The following ATP6V0B variants were observed in gnomAD, a reference collection of about 807,000 sequenced individuals.
The protein encoded by ATP6V0B is V-type proton ATPase 21 kDa proteolipid subunit c''.
A neutral mutation model predicts 26.2 loss-of-function variants in ATP6V0B; 4 were observed. The ratio of observed to expected loss-of-function variants is 0.15; its 90% CI spans 0.08 to 0.35. The LOEUF (loss-of-function observed/expected upper bound fraction) is 0.35, where lower values mean the gene tolerates loss of function less well. ATP6V0B is among the 10% of genes least tolerant of loss of function. The pLI is 1.00. For synonymous variants in ATP6V0B, 110 were observed against 105.8 expected, an observed-to-expected ratio of 1.04 and a Z score of -0.24; for missense variants, 175 against 272.5, an observed-to-expected ratio of 0.64 and a Z score of 2.52.
rs2085518375 is a variant in ATP6V0B, at chr1:43,976,233, G to A, written c.200+60G>A. ...CTGAGTCATGGCAGGTGGTGTCACT[G>A]GGGTCTTAGGCATGCTGAGGGCAGT... On this transcript the variant is annotated intron_variant, in intron 3 of 7. Transcript: ENST00000472174. This position sits in a 1 kb window ranked among gnomAD's most constrained non-coding sequence, Gnocchi z 4.6. 4 of 1,609,328 alleles carry A rather than the reference G, an allele frequency of 2.5e-6. No individual in the cohort carries two copies. The highest frequency in any genetic ancestry group is 3.4e-6 in the Non-Finnish European group (4 of 1,175,844).
In ATP6V0B at chr1:43,975,067, CG is replaced by C. The variant is rs1421779490; in HGVS notation, c.31del (p.Val11SerfsTer31). 1 of 1,399,738 alleles carries C rather than the reference CG, an allele frequency of 7.1e-7. No homozygotes were observed. Among genetic ancestry groups the C allele is most frequent in the Non-Finnish European group, 9.2e-7 (1 of 1,081,412 alleles). 86.7% of individuals were successfully genotyped at this position (1,399,738 alleles called of 1,614,324 possible). The part of the protein sequence containing the change: MTGLALLYS[G>X]VFVAFWACAL... Reference sequence around the variant, plus strand: ...TGACGGGGCTAGCACTGCTCTACTCCGGGGTCTTCGTGGCCTTCTGGGCCTG... The same window carrying C: ...TGACGGGGCTAGCACTGCTCTACTCCGGGTCTTCGTGGCCTTCTGGGCCTG... On this transcript the variant is annotated frameshift_variant, in exon 1 of 8. Coordinates refer to ENST00000472174, the MANE Select transcript of ATP6V0B (RefSeq NM_004047.5). LOFTEE classifies it high-confidence loss of function.
At position 43,976,192 on chromosome 1, in the gene ATP6V0B, G is replaced by A. The variant is rs1207008472; in HGVS notation, c.200+19G>A. ...CAGCCTGGTGAGTATTGGGGTGGTGGGACTGGGGGCAGGGGCTGAGTCATG... is the reference window on the plus strand; with the variant it reads ...CAGCCTGGTGAGTATTGGGGTGGTGAGACTGGGGGCAGGGGCTGAGTCATG... On this transcript the variant is annotated intron_variant, in intron 3 of 7. Transcript: ENST00000472174. The surrounding 1 kb of genome is among the most constrained non-coding windows in gnomAD (Gnocchi z 4.6). The A allele has an allele frequency of 4.3e-6, 7 of 1,612,340 alleles. No individual in the cohort carries two copies. Among genetic ancestry groups the A allele is most frequent in the African/African-American group, 2.7e-5 (2 of 74,832 alleles).
At chr1:43,977,477 C>T (rs970507511) in intron 7 of ATP6V0B, 86 of 1,430,992 alleles carry the variant, frequency 6.0e-5, no homozygotes, top group Admixed American at 1.2e-4. Flanking sequence ...AGTCCTCCCT[C>T]TTTCTGTTCT....
chr1:43,975,747 A>G (rs751660404), intron 1 of ATP6V0B, 53 bp from the exon 2 acceptor site: 1 of 1,583,540 alleles, frequency 6.3e-7, no homozygotes, highest in South Asian at 1.1e-5. Context: ...AGGTTGAAGA[A>G]CTTCTCTCTA....
rs1193008572 is a variant in ATP6V0B, at chr1:43,977,223, A to T, written c.591+7A>T. 1 of 1,614,186 alleles carries T rather than the reference A, an allele frequency of 6.2e-7. No homozygotes were observed. The highest frequency in any genetic ancestry group is 8.5e-7 in the Non-Finnish European group (1 of 1,180,018). ...CATCGTCGCAATTCTTCAGGTGATG[A>T]ATCCCCTTGGGAAGCCTCTGTGTCC... is the stretch of plus-strand genomic sequence containing the variant. On this transcript the variant is annotated splice_region_variant and intron_variant, in intron 7 of 7. Transcript: ENST00000472174.
At chr1:43,975,259 C>T in intron 1 of ATP6V0B, 152 bp downstream of exon 1, 3 of 1,004,236 alleles carry the variant, frequency 3.0e-6, no homozygotes, top group Non-Finnish European at 4.4e-6. Flanking sequence ...CCTCTGACTC[C>T]GACAAAGGAG....
intron 1 of ATP6V0B, 22 bp from the exon 2 acceptor site, chr1:43,975,778 T>C: frequency 6.3e-7 from 1 of 1,582,762 alleles, no homozygotes; most frequent in Non-Finnish European, 8.6e-7. Flanking sequence ...CGTAACCCCC[T>C]TTTTCTCCCT....
intron 7 of ATP6V0B, chr1:43,977,654 T>C: frequency 7.0e-7 from 1 of 1,421,294 alleles, no homozygotes; most frequent in Middle Eastern, 2.6e-4. Context: ...ATTGTCTAAA[T>C]TGTGTGTGTC....
Position 43,978,287 on chromosome 1 carries a change from T to C in ATP6V0B, c.*280T>C. 1 of 545,308 alleles carries C rather than the reference T, an allele frequency of 1.8e-6. No homozygotes were observed. Among genetic ancestry groups the C allele is most frequent in the East Asian group, 3.2e-5 (1 of 31,112 alleles). The allele number at this position is 545,308 out of a possible 1,614,324, so 33.8% of individuals were successfully genotyped here. A position where few individuals can be genotyped will look rare whatever the true frequency, so the allele number is the denominator to read the frequency against. On this transcript the variant is annotated 3_prime_UTR_variant, in exon 8 of 8. Coordinates refer to ENST00000472174, the MANE Select transcript of ATP6V0B (RefSeq NM_004047.5). ...GTTTGTGAAATAAACTTGGTATTTGTCTGGGTCAGTGCAGCTTCTGTTGCC... is the reference window on the plus strand; with the variant it reads ...GTTTGTGAAATAAACTTGGTATTTGCCTGGGTCAGTGCAGCTTCTGTTGCC...
rs1360723304 is a variant in ATP6V0B at position 43,978,079 on chromosome 1, T to G, written c.*72T>G. On this transcript the variant is annotated 3_prime_UTR_variant, in exon 8 of 8. Transcript: ENST00000472174. ...TTTTCCTGGGACAGCTGGAGCTGTG[T>G]CCCTTAGCCTTTCAGAGGCTTGGTG... 6.2e-7 allele frequency: 1 copy of G among 1,603,234 alleles called. No homozygotes were observed. Among genetic ancestry groups the G allele is most frequent in the East Asian group, 2.2e-5 (1 of 44,842 alleles).
At chr1:43,975,735 T>C in intron 1 of ATP6V0B, 65 bp from the exon 2 acceptor site, 1 of 1,572,768 alleles carries the variant, frequency 6.4e-7, no homozygotes, top group Non-Finnish European at 8.7e-7. Flanking sequence ...GGCAGCTACT[T>C]TAGGTTGAAG....
In ATP6V0B at chr1:43,977,505, G is replaced by A. The variant is rs983886940; in HGVS notation, c.591+289G>A. The A allele has an allele frequency of 1.2e-4, 178 of 1,429,670 alleles. 1 individual carries two copies. The highest frequency in any genetic ancestry group is 1.5e-4 in the Non-Finnish European group (169 of 1,099,596). 88.6% of individuals were successfully genotyped at this position (1,429,670 alleles called of 1,614,324 possible). On this transcript the variant is annotated intron_variant, in intron 7 of 7. Coordinates refer to ENST00000472174, the MANE Select transcript of ATP6V0B (RefSeq NM_004047.5). ...TCTGTTCTCTCATTTTATCTGCCATGCTTTTCATGTCTCCAGTCTGTATTT... is the reference window on the plus strand; with the variant it reads ...TCTGTTCTCTCATTTTATCTGCCATACTTTTCATGTCTCCAGTCTGTATTT...
chr1:43,978,009 T>A lies in ATP6V0B; in HGVS notation c.*2T>A. The stretch of plus-strand genomic sequence containing the variant: ...TCCAGAGTGAAGATGGGTGACTAGA[T>A]GATATGTGTGGGTGGGGCCGTGCCT... On this transcript the variant is annotated 3_prime_UTR_variant, in exon 8 of 8. Transcript: ENST00000472174. 1.2e-6 allele frequency: 2 copies of A among 1,614,206 alleles called. No individual in the cohort carries two copies. The highest frequency in any genetic ancestry group is 1.7e-6 in the Non-Finnish European group (2 of 1,180,030).
intron 1 of ATP6V0B, 84 bp from the exon 2 acceptor site, chr1:43,975,716 C>T (rs974652474): frequency 6.5e-7 from 1 of 1,526,816 alleles, no homozygotes; most frequent in Non-Finnish European, 9.1e-7. Context: ...GGAGGTGGCC[C>T]TTCAGCTCGG....
Position 43,977,370 on chromosome 1 carries a change from T to C in ATP6V0B, c.591+154T>C, listed in dbSNP as rs778319849. ...TCATTTCCATCTTCTGGTTTTCTCC[T>C]ACAGGGGCTCTCTATTTTTGTCTCT... On this transcript the variant is annotated intron_variant, in intron 7 of 7. Coordinates refer to ENST00000472174, the MANE Select transcript of ATP6V0B (RefSeq NM_004047.5). 5 of 1,534,224 alleles carry C rather than the reference T, an allele frequency of 3.3e-6. No homozygotes were observed. The South Asian group carries it at 4.8e-5, about 15-fold the overall frequency.
In ATP6V0B at chr1:43,976,689, C is replaced by T. The variant is rs769003302; in HGVS notation, c.348+30C>T. 6.8e-6 allele frequency: 11 copies of T among 1,613,700 alleles called. No homozygotes were observed. Among genetic ancestry groups the T allele is most frequent in the Non-Finnish European group, 9.3e-6 (11 of 1,179,736 alleles). On this transcript the variant is annotated intron_variant, in intron 5 of 7. Transcript: ENST00000472174. The surrounding 1 kb of genome is among the most constrained non-coding windows in gnomAD (Gnocchi z 4.6). ...GGAAGGCCAGGGTGGTGGCGGGAAT[C>T]CATTCCAGTGTGTTCTACACATTCC... is the stretch of plus-strand genomic sequence containing the variant.
chr1:43,976,670 C>T lies in ATP6V0B; in HGVS notation c.348+11C>T. On this transcript the variant is annotated intron_variant, in intron 5 of 7. Coordinates refer to ENST00000472174, the MANE Select transcript of ATP6V0B (RefSeq NM_004047.5). This position sits in a 1 kb window ranked among gnomAD's most constrained non-coding sequence, Gnocchi z 4.6. ...AGCAACATGGCTGAGGTATGGAAGG[C>T]CAGGGTGGTGGCGGGAATCCATTCC... is the stretch of plus-strand genomic sequence containing the variant. The T allele has an allele frequency of 6.2e-7, 1 of 1,614,128 alleles. No individual in the cohort carries two copies. The highest frequency in any genetic ancestry group is 2.2e-5 in the East Asian group (1 of 44,890).
rs1300031009 is a variant in ATP6V0B, at chr1:43,976,988, C to T, written c.401-38C>T. ...CCATTAGCCCATATCTCCCCCATTC[C>T]TGGCTTAGCCTCACTGCACCCCTCT... is the stretch of plus-strand genomic sequence containing the variant. On this transcript the variant is annotated intron_variant, in intron 6 of 7. Transcript: ENST00000472174. The surrounding 1 kb of genome is among the most constrained non-coding windows in gnomAD (Gnocchi z 4.6). The T allele has an allele frequency of 6.2e-7, 1 of 1,600,344 alleles. No individual in the cohort carries two copies. The highest frequency in any genetic ancestry group is 2.2e-5 in the East Asian group (1 of 44,652).
intron 7 of ATP6V0B, chr1:43,977,545 A>G: frequency 7.0e-7 from 1 of 1,425,822 alleles, no homozygotes. Context: ...TCTAGACTAG[A>G]ATGGAATTTT....
Sources: gnomAD v4.1 joint callset for allele counts on GRCh38, gnomAD v4.1.1 for gene constraint, Gnocchi (gnomAD v3.1) non-coding constraint, MANE v1.5 for transcripts, NCBI Gene and HGNC (gene_info 2026-07-23, HGNC 2026-07-21) for gene names.